Variants in COG5 observed in about 807,000 individuals in gnomAD.
COG5 encodes conserved oligomeric Golgi complex subunit 5.
In COG5, 86 loss-of-function variants were observed where a neutral mutation model predicts 110.4. The ratio of observed to expected loss-of-function variants is 0.78; its 90% confidence interval spans 0.65 to 0.93. The LOEUF is 0.93. Ranked by LOEUF, COG5 falls within the 40% of genes least tolerant of loss-of-function variation. COG5 has a pLI of 0.00. For missense variants in COG5, 1,077 were observed against 987.0 expected (o/e 1.09, Z -1.22); for synonymous variants, 360 against 334.6 (o/e 1.08, Z -0.83).
chr7:107,360,375 G>T (rs1290110170), intron 10 of COG5, among the ~76,000 whole-genome samples: 1 of 152,166 alleles, frequency 6.6e-6, no homozygotes, highest in Non-Finnish European at 1.5e-5. Context: ...TGTGGGACAA[G>T]AACTCAGGAC....
rs187669909 is a variant in COG5, at chr7:107,241,408, A to C, written c.1854-4721T>G. On this transcript the variant is annotated intron_variant, in intron 17 of 21. Coordinates refer to ENST00000297135, the MANE Select transcript of COG5 (RefSeq NM_006348.5). ...TTCTGTGCTTCATATATATATATAT[A>C]TCTATATCCATCTATCTATCTATAT... Among the ~76,000 whole-genome samples the C allele has an allele frequency of 1.9e-3, 275 of 147,434 alleles. 1 individual carries two copies. The highest frequency in any genetic ancestry group is 3.1e-3 in the Non-Finnish European group (206 of 67,016).
chr7:107,205,992 G>T (rs1371661224), intron 21 of COG5, among the ~76,000 whole-genome samples: 1 of 149,400 alleles, frequency 6.7e-6, no homozygotes, highest in Non-Finnish European at 1.5e-5. Flanking sequence ...ACGGAGTCTT[G>T]CTCTGTCGCC....
At chr7:107,243,639 A>C (rs999000475) in intron 17 of COG5, among the ~76,000 whole-genome samples, 15 of 152,156 alleles carry the variant, frequency 9.9e-5, no homozygotes, top group Admixed American at 9.2e-4. Flanking sequence ...AAAGACATTC[A>C]GGACCTAAAT....
Position 107,458,673 on chromosome 7 carries a change from C to T in COG5, c.539-46041G>A, listed in dbSNP as rs1470213313. Among the ~76,000 whole-genome samples, 4 of 152,162 alleles carry T rather than the reference C, an allele frequency of 2.6e-5. No homozygotes were observed. The East Asian group carries it at 7.7e-4, about 29-fold the overall frequency. ...AGTTGAAGACCCCAGCCTTAGGCAA[C>T]ATAGCAAGATTCCATCTCTACAAAA... On this transcript the variant is annotated intron_variant, in intron 6 of 21. Coordinates refer to ENST00000297135, the MANE Select transcript of COG5 (RefSeq NM_006348.5).
At chr7:107,430,215 G>A (rs1366963195) in intron 6 of COG5, among the ~76,000 whole-genome samples, 1 of 152,092 alleles carries the variant, frequency 6.6e-6, no homozygotes, top group African/African-American at 2.4e-5. Flanking sequence ...CTAACAGATT[G>A]TATGGTTTTA....
intron 6 of COG5, among the ~76,000 whole-genome samples, chr7:107,413,599 C>T (rs935862857): frequency 5.9e-5 from 9 of 151,446 alleles, no homozygotes; most frequent in African/African-American, 2.2e-4. Context: ...CCCTTCACCA[C>T]AGAAGAATAG....
intron 6 of COG5, among the ~76,000 whole-genome samples, chr7:107,476,671 T>A (rs986164631): frequency 1.3e-5 from 2 of 151,832 alleles, no homozygotes; most frequent in Non-Finnish European, 3.0e-5. Flanking sequence ...AATATCACTA[T>A]CAGAAATTTA....
intron 8 of COG5, among the ~76,000 whole-genome samples, chr7:107,371,392 C>A (rs1223693589): frequency 1.3e-5 from 2 of 151,892 alleles, no homozygotes; most frequent in East Asian, 3.9e-4. Context: ...GAGTTCAAGA[C>A]CAACTGGGGC....
At chr7:107,331,281 C>T (rs1057418841) in intron 10 of COG5, among the ~76,000 whole-genome samples, 1 of 151,990 alleles carries the variant, frequency 6.6e-6, no homozygotes, top group South Asian at 2.1e-4. Flanking sequence ...TCCTGGCTAC[C>T]ATTATGAAAC....
intron 11 of COG5, among the ~76,000 whole-genome samples, chr7:107,316,984 A>T (rs1808820916): frequency 1.3e-5 from 2 of 152,134 alleles, no homozygotes; most frequent in African/African-American, 4.8e-5. Flanking sequence ...CACTATTTAA[A>T]TCATCATGAC....
chr7:107,281,335 T>G lies in COG5; in HGVS notation c.1540A>C (p.Thr514Pro). Residue 514 changes from threonine to proline, a missense_variant, in exon 14 of 22, where the codon ACC (threonine) becomes CCC (proline). By Grantham distance (38) the Thr-to-Pro change is conservative. Transcript: ENST00000297135. ...TLAVSKNVAKTIQLYSVKSEQ... is the reference protein window; with the variant it reads ...TLAVSKNVAKPIQLYSVKSEQ... ...GATTTTACACTGTATAACTGGATGG[T>G]CTTTGCCACATTTTTTGACACAGCT... 2 of 1,613,442 alleles carry G rather than the reference T, an allele frequency of 1.2e-6. No homozygotes were observed. Among genetic ancestry groups the G allele is most frequent in the Non-Finnish European group, 1.7e-6 (2 of 1,179,522 alleles).
intron 11 of COG5, among the ~76,000 whole-genome samples, chr7:107,309,873 T>C (rs1367394898): frequency 6.6e-6 from 1 of 152,212 alleles, no homozygotes; most frequent in African/African-American, 2.4e-5. Context: ...TCCCTGTTCC[T>C]GCCAATGTAT....
intron 19 of COG5, among the ~76,000 whole-genome samples, chr7:107,228,078 T>G (rs1255895729): frequency 6.6e-6 from 1 of 152,076 alleles, no homozygotes; most frequent in Non-Finnish European, 1.5e-5. Context: ...GGCGGGCAGA[T>G]AGCTTGAGCT....
At chr7:107,222,901 C>T (rs1354974064) in intron 19 of COG5, among the ~76,000 whole-genome samples, 1 of 152,054 alleles carries the variant, frequency 6.6e-6, no homozygotes, top group Non-Finnish European at 1.5e-5. Context: ...TAAAAAAAAA[C>T]TGCATTTCTA....
chr7:107,331,621 G>A (rs1186842392), intron 10 of COG5, among the ~76,000 whole-genome samples: 1 of 152,148 alleles, frequency 6.6e-6, no homozygotes, highest in Non-Finnish European at 1.5e-5. Context: ...AGTAGAGTAA[G>A]AGTGGGCAGC....
intron 1 of COG5, among the ~76,000 whole-genome samples, chr7:107,560,721 T>C (rs1803705829): frequency 6.6e-6 from 1 of 152,190 alleles, no homozygotes; most frequent in African/African-American, 2.4e-5. Flanking sequence ...GTACTATTTG[T>C]TCATATGTAG....
chr7:107,293,368 C>T (rs939418513), intron 12 of COG5, among the ~76,000 whole-genome samples: 1 of 152,104 alleles, frequency 6.6e-6, no homozygotes, highest in Non-Finnish European at 1.5e-5. Flanking sequence ...AGCCTTCCAG[C>T]TGAGAGCTAG....
intron 6 of COG5, among the ~76,000 whole-genome samples, chr7:107,501,512 T>C (rs1798633016): frequency 6.6e-6 from 1 of 152,038 alleles, no homozygotes; most frequent in Admixed American, 6.6e-5. Context: ...AAAAACAACA[T>C]ACTAATGTTT....
intron 6 of COG5, among the ~76,000 whole-genome samples, chr7:107,415,394 A>C (rs193224588): frequency 6.6e-6 from 1 of 152,324 alleles, no homozygotes; most frequent in Admixed American, 6.5e-5. Flanking sequence ...GCCAGGAAGA[A>C]GGCAGAGCAT....
Sources: gnomAD v4.1 joint callset for allele counts (sites outside exome capture counted in the v4.1 genomes callset) on GRCh38, gnomAD v4.1.1 for gene constraint, MANE v1.5 for transcripts, NCBI Gene and HGNC (gene_info 2026-07-23, HGNC 2026-07-21) for gene names.